The following SLC25A13 variants were observed in gnomAD, a reference collection of about 807,000 sequenced individuals.
SLC25A13 encodes electrogenic aspartate/glutamate antiporter SLC25A13, mitochondrial.
In SLC25A13, 70 loss-of-function variants were observed where a neutral mutation model predicts 85.5. The observed-to-expected ratio is 0.82, with a 90% CI of 0.68 to 1.00. The LOEUF (loss-of-function observed/expected upper bound fraction) is 1.00, where lower values mean the gene tolerates loss of function less well. Among genes scored for constraint, SLC25A13 ranks in the 50% least tolerant of loss-of-function variants. The probability of loss-of-function intolerance (pLI) is 0.00; values close to 1 mark genes in which losing one functional copy is unlikely to be tolerated. For synonymous variants in SLC25A13, 259 were observed against 288.7 expected (o/e 0.90, Z 1.04); for missense variants, 765 against 819.8 (o/e 0.93, Z 0.82).
chr7:96,138,824 C>CT (rs910511606), intron 14 of SLC25A13, among the ~76,000 whole-genome samples: 1 of 152,048 alleles, frequency 6.6e-6, no homozygotes, highest in Non-Finnish European at 1.5e-5. Context: ...TTAAGGAATC[C>CT]TTTTTTTCTG....
intron 13 of SLC25A13, among the ~76,000 whole-genome samples, chr7:96,148,782 T>A (rs1403672112): frequency 2.6e-5 from 4 of 152,096 alleles, no homozygotes; most frequent in Non-Finnish European, 5.9e-5. Flanking sequence ...CAATGCATAT[T>A]CATCCAAGCA....
At chr7:96,122,131 A>G (rs1228357588) in intron 15 of SLC25A13, 134 bp from the exon 16 acceptor site, 6 of 1,144,424 alleles carry the variant, frequency 5.2e-6, no homozygotes, top group African/African-American at 4.6e-5. Context: ...GCTGTCCTCT[A>G]TGGGAAATGC....
rs113160579 is a variant in SLC25A13, at chr7:96,208,753, C to T, written c.468+85G>A. On this transcript the variant is annotated intron_variant, in intron 5 of 17. Transcript: ENST00000265631. ...ATCTCCTGACCTCGTCATCCGCCCACCTCGGCCTCCCAAAGTGCTAGGATT... is the reference window on the plus strand; with the variant it reads ...ATCTCCTGACCTCGTCATCCGCCCATCTCGGCCTCCCAAAGTGCTAGGATT... The T allele has an allele frequency of 2.1e-5, 32 of 1,499,844 alleles. No homozygotes were observed. In the African/African-American group the frequency reaches 3.9e-4, roughly 18 times the overall value. 92.9% of individuals were successfully genotyped at this position (1,499,844 alleles called of 1,614,324 possible).
At chr7:96,160,548 G>A (rs147930098) in intron 13 of SLC25A13, among the ~76,000 whole-genome samples, 250 of 152,298 alleles carry the variant, frequency 1.6e-3, no homozygotes, top group Middle Eastern at 0.01. Context: ...GCTCACAGAT[G>A]CTGTCTTCTC....
At chr7:96,200,492 G>C (rs1337112457) in intron 5 of SLC25A13, among the ~76,000 whole-genome samples, 3 of 152,068 alleles carry the variant, frequency 2.0e-5, no homozygotes, top group African/African-American at 7.2e-5. Flanking sequence ...CAATAAAATA[G>C]GTAGAGAGAT....
At chr7:96,171,275 T>A (rs889889987) in intron 12 of SLC25A13, among the ~76,000 whole-genome samples, 197 bp downstream of exon 12, 1 of 152,204 alleles carries the variant, frequency 6.6e-6, no homozygotes, top group African/African-American at 2.4e-5. Flanking sequence ...CCAAAAGTCC[T>A]CAAGTTTATT....
chr7:96,261,257 A>G (rs36058597), intron 3 of SLC25A13, among the ~76,000 whole-genome samples: 1 of 152,168 alleles, frequency 6.6e-6, no homozygotes, highest in Non-Finnish European at 1.5e-5. Flanking sequence ...TATCATCTAT[A>G]TATATCTTTT....
At chr7:96,180,010 T>C (rs1794358450) in intron 11 of SLC25A13, among the ~76,000 whole-genome samples, 1 of 152,206 alleles carries the variant, frequency 6.6e-6, no homozygotes, top group South Asian at 2.1e-4. Flanking sequence ...CTCTGCAATA[T>C]AAAAGTATCA....
At chr7:96,275,074 C>A (rs1798395792) in intron 3 of SLC25A13, among the ~76,000 whole-genome samples, 1 of 152,138 alleles carries the variant, frequency 6.6e-6, no homozygotes, top group African/African-American at 2.4e-5. Flanking sequence ...ATGGGGATGG[C>A]ATTGAATCTA....
intron 6 of SLC25A13, among the ~76,000 whole-genome samples, chr7:96,191,502 A>G: frequency 6.6e-6 from 1 of 152,244 alleles, no homozygotes; most frequent in East Asian, 1.9e-4. Flanking sequence ...GTGTAGGATT[A>G]TAACAGGACT....
intron 5 of SLC25A13, among the ~76,000 whole-genome samples, chr7:96,201,511 C>CA (rs11448108): frequency 0.83 from 103,995 of 124,654 alleles, 43,314 homozygotes; most frequent in East Asian, 0.98. Context: ...GACTCTGTCT[C>CA]AAAAAAAAAA....
Position 96,257,662 on chromosome 7 carries a change from C to T in SLC25A13, c.212+19534G>A, listed in dbSNP as rs183297195. 2.6e-5 allele frequency among the ~76,000 whole-genome samples: 4 copies of T among 152,306 alleles called. No individual in the cohort carries two copies. The East Asian group carries it at 7.7e-4, about 29-fold the overall frequency. On this transcript the variant is annotated intron_variant, in intron 3 of 17. Coordinates refer to ENST00000265631, the MANE Select transcript of SLC25A13 (RefSeq NM_014251.3). ...CAAAGAGGAGCTGGTACCATTCCTT[C>T]TGAAACTATTCCAAACAATAGAAAA...
At chr7:96,159,149 C>T (rs1424282680) in intron 13 of SLC25A13, among the ~76,000 whole-genome samples, 2 of 152,294 alleles carry the variant, frequency 1.3e-5, no homozygotes, top group African/African-American at 4.8e-5. Flanking sequence ...CCCTGTCGAG[C>T]TCTGAAGGGA....
intron 1 of SLC25A13, among the ~76,000 whole-genome samples, chr7:96,300,243 T>C (rs1799503085): frequency 2.0e-5 from 3 of 151,968 alleles, no homozygotes; most frequent in African/African-American, 4.8e-5. Flanking sequence ...CACCCCATCT[T>C]CATTAAAAAA....
At chr7:96,163,812 C>T (rs1793621237) in intron 13 of SLC25A13, among the ~76,000 whole-genome samples, 1 of 152,130 alleles carries the variant, frequency 6.6e-6, no homozygotes, top group South Asian at 2.1e-4. Context: ...TCCTCAACAG[C>T]CATATCCAAA....
chr7:96,214,286 T>C (rs1004840201), intron 4 of SLC25A13, among the ~76,000 whole-genome samples: 28 of 152,266 alleles, frequency 1.8e-4, no homozygotes, highest in Admixed American at 1.5e-3. Context: ...GGGTCACAGA[T>C]CTTATATACA....
At chr7:96,161,902 G>C (rs941519647) in intron 13 of SLC25A13, among the ~76,000 whole-genome samples, 1 of 152,086 alleles carries the variant, frequency 6.6e-6, no homozygotes, top group African/African-American at 2.4e-5. Flanking sequence ...GATTTTCACT[G>C]AACTACAAAA....
At chr7:96,191,000 A>G in intron 7 of SLC25A13, 109 bp downstream of exon 7, 2 of 1,261,502 alleles carry the variant, frequency 1.6e-6, no homozygotes, top group Non-Finnish European at 1.2e-6. Context: ...CATATAGTTA[A>G]TATGTGTCAA....
chr7:96,260,017 G>A (rs975348285), intron 3 of SLC25A13, among the ~76,000 whole-genome samples: 5 of 145,436 alleles, frequency 3.4e-5, no homozygotes, highest in Admixed American at 2.1e-4. Context: ...GAACATATGC[G>A]CACAAGGAGG....
Sources: allele counts gnomAD v4.1 joint callset (sites outside exome capture counted in the v4.1 genomes callset), GRCh38; gene constraint gnomAD v4.1.1; transcripts MANE v1.5; gene names NCBI Gene and HGNC (gene_info 2026-07-23, HGNC 2026-07-21).